Variants in CAST observed in about 807,000 individuals in gnomAD.
CAST encodes MIR583 host.
In CAST, 76 loss-of-function variants were observed where a neutral mutation model predicts 119.6. The observed-to-expected ratio is 0.64, with a 90% CI of 0.53 to 0.77. The LOEUF is 0.77. Among genes scored for constraint, CAST ranks in the 30% least tolerant of loss-of-function variants. The probability of loss-of-function intolerance (pLI) is 0.00; values close to 1 mark genes in which losing one functional copy is unlikely to be tolerated. For synonymous variants in CAST, 319 were observed against 331.6 expected, an observed-to-expected ratio of 0.96 and a Z score of 0.41; for missense variants, 953 against 946.5, an observed-to-expected ratio of 1.01 and a Z score of -0.09.
chr5:96,036,661 G>A, the CAST span, among the ~76,000 whole-genome samples: 2 of 152,204 alleles, frequency 1.3e-5, no homozygotes, highest in Non-Finnish European at 2.9e-5. Flanking sequence ...TAGTGAATAG[G>A]TAAGACTTGG....
At chr5:96,162,486 TG>T in the CAST span, among the ~76,000 whole-genome samples, 1 of 152,148 alleles carries the variant, frequency 6.6e-6, no homozygotes, top group Non-Finnish European at 1.5e-5. Flanking sequence ...GGGGTGATCT[TG>T]GCTCACTGCA....
chr5:96,608,521 G>A (rs171868), intron 1 of CAST, among the ~76,000 whole-genome samples: 52,106 of 151,460 alleles, frequency 0.34, 10,182 homozygotes, highest in Admixed American at 0.44. Context: ...TTAAAAAAAA[G>A]AACTTGACAA....
chr5:95,996,679 A>G, the CAST span, among the ~76,000 whole-genome samples: 1 of 152,304 alleles, frequency 6.6e-6, no homozygotes, highest in Non-Finnish European at 1.5e-5. Context: ...TTCAGTGTAC[A>G]TAATAATCAC....
chr5:96,591,502 C>T (rs892556171), intron 1 of CAST, among the ~76,000 whole-genome samples: 1 of 152,078 alleles, frequency 6.6e-6, no homozygotes, highest in Non-Finnish European at 1.5e-5. Flanking sequence ...TTTTTGTCAT[C>T]TGGTCTGAGT....
intron 4 of CAST, 50 bp downstream of exon 4, chr5:96,722,748 C>A: frequency 8.0e-7 from 1 of 1,255,178 alleles, no homozygotes; most frequent in Non-Finnish European, 1.2e-6. Flanking sequence ...GATTGTGCTG[C>A]AAAGCAAAAC....
chr5:96,223,880 T>C, the CAST span, among the ~76,000 whole-genome samples: 12 of 152,338 alleles, frequency 7.9e-5, no homozygotes, highest in Non-Finnish European at 1.5e-4. Context: ...TAATCTTTTC[T>C]GTACATCTTC....
chr5:96,217,450 C>G, the CAST span, among the ~76,000 whole-genome samples: 2 of 151,918 alleles, frequency 1.3e-5, no homozygotes, highest in Admixed American at 1.3e-4. Flanking sequence ...AAAAGTAAGA[C>G]AGTGATGACT....
At chr5:96,152,269 A>G in the CAST span, among the ~76,000 whole-genome samples, 7 of 152,234 alleles carry the variant, frequency 4.6e-5, no homozygotes, top group Non-Finnish European at 7.4e-5. Context: ...AAATAAAAAG[A>G]GCAAAAAGAT....
chr5:96,089,066 C>CTTTTTTTTTTT, the CAST span, among the ~76,000 whole-genome samples: 1 of 117,718 alleles, frequency 8.5e-6, no homozygotes, highest in African/African-American at 3.1e-5. Context: ...CTCCAAAAAT[C>CTTTTTTTTTTT]TTTTTTTTTT....
the CAST span, chr5:96,432,008 C>A: frequency 9.4e-7 from 1 of 1,069,234 alleles, no homozygotes; most frequent in Non-Finnish European, 1.4e-6. Flanking sequence ...CCACCTCCAA[C>A]CAGCTACCTA....
chr5:96,091,201 T>G, the CAST span, among the ~76,000 whole-genome samples: 5 of 150,918 alleles, frequency 3.3e-5, no homozygotes, highest in Admixed American at 2.6e-4. Context: ...TTACTGAATC[T>G]CTCTCTTTTT....
the CAST span, among the ~76,000 whole-genome samples, chr5:96,105,553 A>G: frequency 1.3e-4 from 20 of 152,222 alleles, no homozygotes; most frequent in Middle Eastern, 6.8e-3. Flanking sequence ...ATTTGCGTAT[A>G]TTGAACCAGC....
At chr5:96,467,844 A>G in the CAST span, among the ~76,000 whole-genome samples, 8 of 152,254 alleles carry the variant, frequency 5.3e-5, no homozygotes, top group Middle Eastern at 3.4e-3. Flanking sequence ...CAAGGAACTA[A>G]AAGTAGATCT....
the CAST span, among the ~76,000 whole-genome samples, chr5:96,267,237 C>A: frequency 9.9e-5 from 15 of 151,936 alleles, no homozygotes; most frequent in Non-Finnish European, 2.1e-4. Flanking sequence ...AGTTGAGCAA[C>A]AAAAAGGAGT....
At chr5:96,561,786 G>GGTTTTTTTTTTTTTTTTTTTTTTT (rs1189100090) in intron 1 of CAST, among the ~76,000 whole-genome samples, 2 of 105,430 alleles carry the variant, frequency 1.9e-5, no homozygotes, top group Admixed American at 1.1e-4. Context: ...TTATATATAT[G>GGTTTTTTTTTTTTTTTTTTTTTTT]TTTTTTTTTG....
the CAST span, among the ~76,000 whole-genome samples, chr5:96,035,859 G>A: frequency 3.3e-5 from 5 of 151,802 alleles, no homozygotes; most frequent in African/African-American, 4.8e-5. Flanking sequence ...TAGGATGTGC[G>A]CACTGTGTTT....
chr5:96,558,736 G>C (rs1746295842), intron 1 of CAST, among the ~76,000 whole-genome samples: 1 of 152,144 alleles, frequency 6.6e-6, no homozygotes, highest in Non-Finnish European at 1.5e-5. Context: ...AACCAAAAAA[G>C]TCCAGGACCA....
intron 1 of CAST, among the ~76,000 whole-genome samples, chr5:96,630,792 A>G (rs1747806906): frequency 6.6e-6 from 1 of 152,028 alleles, no homozygotes; most frequent in African/African-American, 2.4e-5. Context: ...TCTCAAAATA[A>G]AATAAAATAA....
the CAST span, among the ~76,000 whole-genome samples, chr5:96,352,516 T>C: frequency 2.0e-5 from 3 of 152,300 alleles, no homozygotes; most frequent in Non-Finnish European, 4.4e-5. Context: ...CATGATTCAG[T>C]GTGATAGGAG....
Sources: gnomAD v4.1 joint callset for allele counts (sites outside exome capture counted in the v4.1 genomes callset) on GRCh38, gnomAD v4.1.1 for gene constraint, MANE v1.5 for transcripts, NCBI Gene and HGNC (gene_info 2026-07-23, HGNC 2026-07-21) for gene names.